The following ZMYM4 variants were observed in gnomAD, a reference collection of about 807,000 sequenced individuals.
ZMYM4 encodes zinc finger MYM-type protein 4.
Under a neutral mutation model 183.2 loss-of-function variants are expected in ZMYM4, and 31 were observed. The observed-to-expected ratio is 0.17, with a 90% CI of 0.13 to 0.23. ZMYM4 has a LOEUF of 0.23. ZMYM4 is among the 10% of genes least tolerant of loss of function. The probability of loss-of-function intolerance (pLI) is 1.00; values close to 1 mark genes in which losing one functional copy is unlikely to be tolerated. For missense variants in ZMYM4, 1,273 were observed against 1,840.3 expected, an observed-to-expected ratio of 0.69 and a Z score of 5.64; for synonymous variants, 592 against 631.2, an observed-to-expected ratio of 0.94 and a Z score of 0.93.
chr1:35,364,312 A>G (rs1285202403), intron 5 of ZMYM4, among the ~76,000 whole-genome samples: 1 of 152,132 alleles, frequency 6.6e-6, no homozygotes, highest in East Asian at 1.9e-4. Flanking sequence ...GTAGTATGTG[A>G]GTGGATAGAG....
intron 28 of ZMYM4, among the ~76,000 whole-genome samples, chr1:35,417,793 T>TGA (rs1482582773): frequency 6.6e-6 from 1 of 152,118 alleles, no homozygotes; most frequent in Non-Finnish European, 1.5e-5. Flanking sequence ...GCTGATCACC[T>TGA]GAGGTCAGGA....
Position 35,361,742 on chromosome 1 carries a change from C to T in ZMYM4, c.793C>T (p.Gln265Ter). 6.2e-7 allele frequency: 1 copy of T among 1,613,580 alleles called. No individual in the cohort carries two copies. The highest frequency in any genetic ancestry group is 8.5e-7 in the Non-Finnish European group (1 of 1,179,778). Residue 265 changes from glutamine to a stop codon, truncating the protein, a stop_gained, in exon 5 of 30, where the codon CAG becomes TAG. Transcript: ENST00000314607. LOFTEE classifies it high-confidence loss of function. Reference sequence around the variant, plus strand: ...TGAGTATGACAAAGCAATGGCACCACAGCAGGGACTACTAGACAAAATAAA... The same window carrying T: ...TGAGTATGACAAAGCAATGGCACCATAGCAGGGACTACTAGACAAAATAAA... The part of the protein sequence containing the change: ...DDEYDKAMAP[Q>*]QGLLDKIKDE...
At position 35,381,349 on chromosome 1, in the gene ZMYM4, A is replaced by G. The variant is rs932791911; in HGVS notation, c.1272A>G (p.Thr424=). Residue 424 remains threonine, a synonymous_variant, in exon 8 of 30, where the codon ACA becomes ACG. Transcript: ENST00000314607. ...TTTGCAGTCAGTCATGTTTGTCAACATATGAACTGAAAAAAAAACCTATTG... is the reference window on the plus strand; with the variant it reads ...TTTGCAGTCAGTCATGTTTGTCAACGTATGAACTGAAAAAAAAACCTATTG... ...KDFCSQSCLS[T]YELKKKPIVT... is the part of the protein sequence containing the mutation. The G allele has an allele frequency of 1.9e-6, 3 of 1,613,606 alleles. No individual in the cohort carries two copies. The highest frequency in any genetic ancestry group is 1.7e-4 in the Middle Eastern group (1 of 6,042).
At chr1:35,286,670 C>T (rs1640503144) in intron 1 of ZMYM4, among the ~76,000 whole-genome samples, 1 of 149,070 alleles carries the variant, frequency 6.7e-6, no homozygotes, top group South Asian at 2.1e-4. Flanking sequence ...ATGATCACGG[C>T]TCACTGAAGG....
chr1:35,269,198 T>C, intron 1 of ZMYM4, 113 bp downstream of exon 1: 1 of 1,184,250 alleles, frequency 8.4e-7, no homozygotes, highest in Non-Finnish European at 1.1e-6. Flanking sequence ...TAGGACAAGG[T>C]TGCGGGCAGG....
At chr1:35,361,390 TA>T in intron 4 of ZMYM4, 135 bp downstream of exon 4, 1 of 989,404 alleles carries the variant, frequency 1.0e-6, no homozygotes, top group Non-Finnish European at 1.4e-6. Context: ...AATATTTGTT[TA>T]AGGTCATCAT....
intron 1 of ZMYM4, among the ~76,000 whole-genome samples, chr1:35,302,234 G>T (rs114492686): frequency 2.7e-3 from 304 of 111,418 alleles, no homozygotes; most frequent in African/African-American, 0.012. Flanking sequence ...TTGTGACAGG[G>T]CCTTGCTATG....
intron 10 of ZMYM4, 70 bp downstream of exon 10, chr1:35,385,662 G>A: frequency 6.8e-7 from 1 of 1,474,394 alleles, no homozygotes; most frequent in African/African-American, 1.5e-5. Flanking sequence ...GTTTTTAACG[G>A]TTTTTTTTGG....
chr1:35,288,649 A>T (rs79554531), intron 1 of ZMYM4, among the ~76,000 whole-genome samples: 9,654 of 152,192 alleles, frequency 0.063, 925 homozygotes, highest in East Asian at 0.44. Context: ...ACAAATATGT[A>T]TGTATTTATA....
Position 35,389,582 on chromosome 1 carries a change from G to A in ZMYM4, c.2437-366G>A, listed in dbSNP as rs1644655850. On this transcript the variant is annotated intron_variant, in intron 14 of 29. Coordinates refer to ENST00000314607, the MANE Select transcript of ZMYM4 (RefSeq NM_005095.3). The surrounding 1 kb of genome is among the most constrained non-coding windows in gnomAD (Gnocchi z 4.0). ...ATCCTGGCTAACATGGTGAAACCCC[G>A]TCTCTACTAAAAATACAAAAAAATT... Among the ~76,000 whole-genome samples, 1 of 151,784 alleles carries A rather than the reference G, an allele frequency of 6.6e-6. No homozygotes were observed. Among genetic ancestry groups the A allele is most frequent in the African/African-American group, 2.4e-5 (1 of 41,338 alleles).
rs56216613 is a variant in ZMYM4 at position 35,281,661 on chromosome 1, A to AATATAT, written c.39+12590_39+12595dup. Among the ~76,000 whole-genome samples, 316 of 148,036 alleles carry AATATAT rather than the reference A, an allele frequency of 2.1e-3. 2 individuals are homozygous for AATATAT. Among genetic ancestry groups the AATATAT allele is most frequent in the Middle Eastern group, 7.2e-3 (2 of 278 alleles). ...TTCTCAAAAAGCAAATCATATAATA[A>AATATAT]ATATATATATATATATATAATATAA... On this transcript the variant is annotated intron_variant, in intron 1 of 29. Transcript: ENST00000314607.
At chr1:35,396,461 A>G (rs1570519949) in intron 18 of ZMYM4, 91 bp from the exon 19 acceptor site, 3 of 1,545,706 alleles carry the variant, frequency 1.9e-6, no homozygotes, top group Non-Finnish European at 2.6e-6. Context: ...ATTTTGAACT[A>G]TAAACCTCCA....
In ZMYM4 at chr1:35,419,597, C is replaced by T; in HGVS notation, c.4567C>T (p.Arg1523Cys). Reference sequence around the variant, plus strand: ...TGGAACCCTGGACACCATGTTAACACGTATTCTCATGGTGAGGGAGGTACA... The same window carrying T: ...TGGAACCCTGGACACCATGTTAACATGTATTCTCATGGTGAGGGAGGTACA... ...DPGTLDTMLT[R>C]ILMVREVHEE... Residue 1523 changes from arginine (R) to cysteine (C), a missense_variant, in exon 30 of 30, where the codon CGT becomes TGT. Arg to Cys is a radical substitution (Grantham distance 180). Transcript: ENST00000314607. 6.2e-7 allele frequency: 1 copy of T among 1,614,166 alleles called. No homozygotes were observed. The highest frequency in any genetic ancestry group is 1.1e-5 in the South Asian group (1 of 91,076).
chr1:35,385,657 T>C, intron 10 of ZMYM4, 65 bp downstream of exon 10: 1 of 1,507,754 alleles, frequency 6.6e-7, no homozygotes, highest in South Asian at 1.4e-5. Flanking sequence ...GCTTTGTTTT[T>C]AACGGTTTTT....
At chr1:35,391,949 G>A (rs918303804) in intron 15 of ZMYM4, among the ~76,000 whole-genome samples, 4 of 152,108 alleles carry the variant, frequency 2.6e-5, no homozygotes, top group African/African-American at 7.2e-5. Flanking sequence ...GCTGAGGCAG[G>A]GGAATCGCTT....
At chr1:35,291,847 C>T (rs1387937819) in intron 1 of ZMYM4, among the ~76,000 whole-genome samples, 1 of 151,984 alleles carries the variant, frequency 6.6e-6, no homozygotes, top group Non-Finnish European at 1.5e-5. Context: ...CATGTGTTGG[C>T]CAGGCTGGTC....
chr1:35,364,507 A>G lies in ZMYM4; in HGVS notation c.840+2718A>G, dbSNP rs486236. On this transcript the variant is annotated intron_variant, in intron 5 of 29. Coordinates refer to ENST00000314607, the MANE Select transcript of ZMYM4 (RefSeq NM_005095.3). ...CGTCTCCACCTTCCCTCCTTCTTTT[A>G]GAAGAGTATTGCCTTTCAAAATTGC... Among the ~76,000 whole-genome samples, 595 of 152,148 alleles carry G rather than the reference A, an allele frequency of 3.9e-3. 3 individuals carry two copies. The highest frequency in any genetic ancestry group is 0.013 in the African/African-American group (531 of 41,494).
Position 35,370,153 on chromosome 1 carries a change from G to T in ZMYM4, c.925+40G>T. 3 of 1,593,394 alleles carry T rather than the reference G, an allele frequency of 1.9e-6. No individual in the cohort carries two copies. In the South Asian group the frequency reaches 3.4e-5, roughly 18 times the overall value. ...TGAATAAATGGATTGTGTATGTTCT[G>T]ACCAATATGAATGAGAAGAAATTCT... is the stretch of plus-strand genomic sequence containing the variant. On this transcript the variant is annotated intron_variant, in intron 6 of 29. Coordinates refer to ENST00000314607, the MANE Select transcript of ZMYM4 (RefSeq NM_005095.3).
In ZMYM4 at chr1:35,303,472, A is replaced by G. The variant is rs368261549; in HGVS notation, c.40-21888A>G. ...CCAGGCTGGAGTACAGTGGCACAAT[A>G]TCGGCTCACTGCAACCTCCGCCGTC... On this transcript the variant is annotated intron_variant, in intron 1 of 29. Transcript: ENST00000314607. 6.6e-5 allele frequency among the ~76,000 whole-genome samples: 10 copies of G among 152,080 alleles called. No individual in the cohort carries two copies. In the East Asian group the frequency reaches 9.7e-4, roughly 15 times the overall value.
Sources: allele counts gnomAD v4.1 joint callset (sites outside exome capture counted in the v4.1 genomes callset), GRCh38; gene constraint gnomAD v4.1.1; non-coding constraint Gnocchi (gnomAD v3.1); transcripts MANE v1.5; gene names NCBI Gene and HGNC (gene_info 2026-07-23, HGNC 2026-07-21).